The following PRPF39 variants were observed in gnomAD, a reference collection of about 807,000 sequenced individuals.
PRPF39 encodes the protein pre-mRNA processing factor 39.
PRPF39 carries 27 observed loss-of-function variants against 82.1 expected under a neutral mutation model. The observed-to-expected ratio is 0.33, with a 90% CI of 0.24 to 0.45. The LOEUF (loss-of-function observed/expected upper bound fraction) is 0.45, where lower values mean the gene tolerates loss of function less well. PRPF39 is among the 20% of genes least tolerant of loss of function. The probability of loss-of-function intolerance (pLI) is 1.00; values close to 1 mark genes in which losing one functional copy is unlikely to be tolerated. For synonymous variants in PRPF39, 261 were observed against 256.4 expected (o/e 1.02, Z -0.17); for missense variants, 581 against 796.9 (o/e 0.73, Z 3.26).
chr14:45,114,433 T>C lies in PRPF39; in HGVS notation c.1833-61T>C. On this transcript the variant is annotated intron_variant, in intron 12 of 13. Coordinates refer to ENST00000355765, the MANE Select transcript of PRPF39 (RefSeq NM_017922.4). ...AACAAATATACAGATAACATTCATC[T>C]ATTCGTTAAAGTTCTTACCTGTGGG... 6 of 1,474,728 alleles carry C rather than the reference T, an allele frequency of 4.1e-6. No homozygotes were observed. The South Asian group carries it at 8.4e-5, about 21-fold the overall frequency. The allele number at this position is 1,474,728 out of a possible 1,614,324, so 91.4% of individuals were successfully genotyped here. A position where few individuals can be genotyped will look rare whatever the true frequency, so the allele number is the denominator to read the frequency against.
chr14:45,114,229 G>C lies in PRPF39; in HGVS notation c.1804G>C (p.Asp602His). Residue 602 changes from aspartate (D) to histidine (H), a missense_variant, in exon 12 of 14, where the codon GAT (aspartate) becomes CAT (histidine). Physicochemically the swap from Asp to His is moderately conservative, Grantham distance 81. Transcript: ENST00000355765. Reference protein sequence around the residue: ...DEHQTLLKEQDSLKRKAENGS... With the variant: ...DEHQTLLKEQHSLKRKAENGS... ...ACATCAAACACTCCTGAAAGAACAG[G>C]ATTCTTTAAAAAGGAAAGCAGAAAA... The C allele has an allele frequency of 6.2e-7, 1 of 1,602,908 alleles. No individual in the cohort carries two copies. The highest frequency in any genetic ancestry group is 1.1e-5 in the South Asian group (1 of 89,258).
intron 11 of PRPF39, 92 bp downstream of exon 11, chr14:45,112,594 G>C (rs1884727983): frequency 8.4e-7 from 1 of 1,193,300 alleles, no homozygotes; most frequent in Non-Finnish European, 1.1e-6. Flanking sequence ...TTAATACATT[G>C]TTAAATTTTA....
chr14:45,111,353 CTT>C (rs397969669), intron 10 of PRPF39, among the ~76,000 whole-genome samples: 1 of 147,454 alleles, frequency 6.8e-6, no homozygotes, highest in Non-Finnish European at 1.5e-5. Flanking sequence ...AGATGTTTAT[CTT>C]TTTTTTTTTG....
intron 1 of PRPF39, among the ~76,000 whole-genome samples, chr14:45,092,567 C>T (rs1023685886): frequency 6.8e-5 from 10 of 147,080 alleles, no homozygotes; most frequent in Non-Finnish European, 1.0e-4. Flanking sequence ...CGCCACTGCA[C>T]TCCCGCCTGG....
intron 5 of PRPF39, among the ~76,000 whole-genome samples, chr14:45,105,231 A>G (rs946866146): frequency 6.6e-6 from 1 of 152,188 alleles, no homozygotes; most frequent in Non-Finnish European, 1.5e-5. Flanking sequence ...GTTTTAAAGA[A>G]GTTGTTACAT....
intron 5 of PRPF39, among the ~76,000 whole-genome samples, chr14:45,105,953 T>TA (rs1470829778): frequency 6.6e-6 from 1 of 152,206 alleles, no homozygotes; most frequent in African/African-American, 2.4e-5. Flanking sequence ...AACATGTATT[T>TA]AAAAGGTACA....
At position 45,115,356 on chromosome 14, in the gene PRPF39, T is replaced by A. The variant is rs1046577924; in HGVS notation, c.*443T>A. 6.6e-6 allele frequency: 1 copy of A among 152,574 alleles called. No homozygotes were observed. Among genetic ancestry groups the A allele is most frequent in the South Asian group, 2.1e-4 (1 of 4,822 alleles). The allele number at this position is 152,574 out of a possible 1,614,324, so 9.5% of individuals were successfully genotyped here. On this transcript the variant is annotated 3_prime_UTR_variant, in exon 14 of 14. Transcript: ENST00000355765. ...CTTTGCTGACAAGGTTTTGTCTGTTTCAGTTATACTTGTGAATTGTGATCT... is the reference window on the plus strand; with the variant it reads ...CTTTGCTGACAAGGTTTTGTCTGTTACAGTTATACTTGTGAATTGTGATCT...
chr14:45,115,877 T>G lies in PRPF39; in HGVS notation c.*964T>G. The G allele has an allele frequency of 4.2e-6, 1 of 237,692 alleles. No individual in the cohort carries two copies. Among genetic ancestry groups the G allele is most frequent in the Non-Finnish European group, 8.5e-6 (1 of 117,428 alleles). 14.7% of individuals were successfully genotyped at this position (237,692 alleles called of 1,614,324 possible). A position where few individuals can be genotyped will look rare whatever the true frequency, so the allele number is the denominator to read the frequency against. ...TTCCCTAATCAGAACAATAATATAT[T>G]AACACCAAACAAATCACAGTCAGAT... On this transcript the variant is annotated 3_prime_UTR_variant, in exon 14 of 14. Coordinates refer to ENST00000355765, the MANE Select transcript of PRPF39 (RefSeq NM_017922.4).
chr14:45,091,126 T>C (rs1265019849), intron 1 of PRPF39, among the ~76,000 whole-genome samples: 2 of 152,148 alleles, frequency 1.3e-5, no homozygotes, highest in Admixed American at 6.5e-5. Context: ...TTTCATACTA[T>C]TTGTTCTTTC....
intron 1 of PRPF39, among the ~76,000 whole-genome samples, chr14:45,084,799 T>C (rs1311508265): frequency 6.6e-6 from 1 of 152,164 alleles, no homozygotes; most frequent in African/African-American, 2.4e-5. Flanking sequence ...GGCAGGATTT[T>C]TTAAGGGATT....
intron 1 of PRPF39, among the ~76,000 whole-genome samples, chr14:45,089,564 T>A (rs1156428947): frequency 6.6e-6 from 1 of 152,200 alleles, no homozygotes; most frequent in Non-Finnish European, 1.5e-5. Context: ...GACTCCCACT[T>A]CAGCCTCCGG....
intron 7 of PRPF39, 79 bp downstream of exon 7, chr14:45,108,601 ATC>A: frequency 6.8e-7 from 1 of 1,474,820 alleles, no homozygotes; most frequent in South Asian, 1.4e-5. Context: ...TGATAGTACT[ATC>A]TCTGTTGTAA....
rs113538884 is a variant in PRPF39 at position 45,091,280 on chromosome 14, A to G, written c.-19-3941A>G. Among the ~76,000 whole-genome samples the G allele has an allele frequency of 4.0e-3, 607 of 152,302 alleles. 5 individuals are homozygous for G. The highest frequency in any genetic ancestry group is 0.014 in the African/African-American group (575 of 41,570). ...CCCAGCCTCCTCAGTAGCTAGGACT[A>G]TAGGCACACACCACTGTGCCCAGCT... is the stretch of plus-strand genomic sequence containing the variant. On this transcript the variant is annotated intron_variant, in intron 1 of 13. Transcript: ENST00000355765.
chr14:45,090,428 G>C (rs1192846597), intron 1 of PRPF39, among the ~76,000 whole-genome samples: 1 of 151,994 alleles, frequency 6.6e-6, no homozygotes, highest in East Asian at 1.9e-4. Flanking sequence ...ATGGCTCCAT[G>C]CTACTTTGCT....
rs530833437 is a variant in PRPF39 at position 45,102,683 on chromosome 14, C to T, written c.724C>T (p.His242Tyr). The change falls in exon 5 of 14, where the codon CAT becomes TAT. Residue 242 changes from histidine (H) to tyrosine (Y), a missense_variant. His to Tyr is a moderately conservative substitution (Grantham distance 83). Transcript: ENST00000355765. Reference protein sequence around the residue: ...ILGIPTQLYSHHFQRFKEHVQ... With the variant: ...ILGIPTQLYSYHFQRFKEHVQ... ...TGGTATTCCAACACAGCTGTATAGT[C>T]ATCATTTTCAGAGGTAGGTGGGAAA... The T allele has an allele frequency of 1.8e-5, 29 of 1,595,976 alleles. No homozygotes were observed. In the Admixed American group the frequency reaches 2.2e-4, roughly 12 times the overall value.
chr14:45,105,726 G>C (rs947087073), intron 5 of PRPF39, among the ~76,000 whole-genome samples: 1 of 151,636 alleles, frequency 6.6e-6, no homozygotes, highest in African/African-American at 2.4e-5. Context: ...GGGTTTCAGC[G>C]TGTTTGCCAG....
intron 1 of PRPF39, among the ~76,000 whole-genome samples, chr14:45,091,907 A>G (rs544704126): frequency 2.7e-4 from 41 of 152,330 alleles, no homozygotes; most frequent in Non-Finnish European, 5.0e-4. Context: ...GTTTAAACAA[A>G]TAGGAATTTA....
rs141166397 is a variant in PRPF39, at chr14:45,087,867, G to A, written c.-20+3618G>A. ...CTCCCAAAGTGCTGGGATTACAGGC[G>A]TGAGCCACTGCGCCCGGCCTCATAA... is the stretch of plus-strand genomic sequence containing the variant. On this transcript the variant is annotated intron_variant, in intron 1 of 13. Coordinates refer to ENST00000355765, the MANE Select transcript of PRPF39 (RefSeq NM_017922.4). Among the ~76,000 whole-genome samples, 418 of 151,796 alleles carry A rather than the reference G, an allele frequency of 2.8e-3. 7 individuals are homozygous for A. The highest frequency in any genetic ancestry group is 8.4e-4 in the Non-Finnish European group (57 of 67,944).
chr14:45,111,666 A>G (rs989926667), intron 10 of PRPF39, among the ~76,000 whole-genome samples: 1 of 96,584 alleles, frequency 1.0e-5, no homozygotes, highest in African/African-American at 4.3e-5. Flanking sequence ...TTTGAGACAG[A>G]GTTTCATTGT....
Sources: gnomAD v4.1 joint callset for allele counts (sites outside exome capture counted in the v4.1 genomes callset) on GRCh38, gnomAD v4.1.1 for gene constraint, MANE v1.5 for transcripts, NCBI Gene and HGNC (gene_info 2026-07-23, HGNC 2026-07-21) for gene names.